The following SCEL variants were observed in gnomAD, a reference collection of about 807,000 sequenced individuals.
SCEL encodes sciellin.
SCEL carries 113 observed loss-of-function variants against 117.6 expected under a neutral mutation model. The observed-to-expected ratio is 0.96, with a 90% CI of 0.83 to 1.12. SCEL has a LOEUF of 1.12. Among genes scored for constraint, SCEL ranks in the 50% most tolerant of loss-of-function variants. SCEL has a pLI of 0.00. For missense variants in SCEL, 785 were observed against 810.8 expected (o/e 0.97, Z 0.39); for synonymous variants, 270 against 256.2 (o/e 1.05, Z -0.51).
chr13:77,575,051 A>G (rs1698913674), intron 9 of SCEL, among the ~76,000 whole-genome samples: 1 of 152,220 alleles, frequency 6.6e-6, no homozygotes, highest in Admixed American at 6.5e-5. Flanking sequence ...CCTGTCATCC[A>G]GGAATGAGTC....
At chr13:77,568,090 T>A (rs772554131) in intron 6 of SCEL, among the ~76,000 whole-genome samples, 3 of 152,168 alleles carry the variant, frequency 2.0e-5, no homozygotes, top group African/African-American at 4.8e-5. Context: ...ATACTAAATT[T>A]TCAGAAGAAA....
chr13:77,572,224 A>G (rs1313730005), intron 9 of SCEL, 35 bp downstream of exon 9: 7 of 1,480,068 alleles, frequency 4.7e-6, no homozygotes, highest in Non-Finnish European at 6.6e-6. Flanking sequence ...TTGCTGTGCC[A>G]TTAGATGGAA....
In SCEL at chr13:77,539,674, A is replaced by G. The variant is rs1036677569; in HGVS notation, c.-20+3850A>G. The stretch of plus-strand genomic sequence containing the variant: ...CTCAGCCTCCCGAATAGCTGGGACT[A>G]CAGGCGCCCACCACCACGCCCAGCT... On this transcript the variant is annotated intron_variant, in intron 1 of 32. Transcript: ENST00000349847. Among the ~76,000 whole-genome samples the G allele has an allele frequency of 2.6e-5, 4 of 151,970 alleles. No individual in the cohort carries two copies. In the South Asian group the frequency reaches 8.3e-4, roughly 32 times the overall value.
intron 9 of SCEL, among the ~76,000 whole-genome samples, chr13:77,579,720 G>C (rs1196784270): frequency 6.6e-6 from 1 of 152,100 alleles, no homozygotes; most frequent in African/African-American, 2.4e-5. Context: ...TGTGGAGAGG[G>C]AGGCAGTAGA....
At chr13:77,599,519 G>A in intron 14 of SCEL, 131 bp downstream of exon 14, 1 of 882,268 alleles carries the variant, frequency 1.1e-6, no homozygotes, top group East Asian at 2.6e-5. Context: ...AGTGCTCTCA[G>A]CATTGTACAT....
At chr13:77,623,899 T>C (rs1331798037) in intron 27 of SCEL, among the ~76,000 whole-genome samples, 6 of 152,182 alleles carry the variant, frequency 3.9e-5, no homozygotes, top group East Asian at 1.9e-4. Context: ...CTGTATTTAT[T>C]TGTTAGGGCT....
At chr13:77,613,005 T>C in intron 23 of SCEL, 64 bp downstream of exon 23, 2 of 925,560 alleles carry the variant, frequency 2.2e-6, no homozygotes, top group Non-Finnish European at 3.3e-6. Context: ...CAAAATAAGA[T>C]TAATTATTTA....
At chr13:77,543,358 C>CA (rs1436381766) in intron 1 of SCEL, among the ~76,000 whole-genome samples, 1 of 152,174 alleles carries the variant, frequency 6.6e-6, no homozygotes, top group Non-Finnish European at 1.5e-5. Flanking sequence ...GCTGGGACTA[C>CA]AGGCGTGAGC....
intron 10 of SCEL, 79 bp from the exon 11 acceptor site, chr13:77,591,316 A>T (rs2086853588): frequency 1.1e-6 from 1 of 884,806 alleles, no homozygotes; most frequent in East Asian, 2.7e-5. Context: ...TTGTACATAA[A>T]TTTTTTAAAA....
Position 77,572,148 on chromosome 13 carries a change from T to C in SCEL, c.504T>C (p.Pro168=). The C allele has an allele frequency of 6.2e-7, 1 of 1,612,722 alleles. No individual in the cohort carries two copies. Among genetic ancestry groups the C allele is most frequent in the Non-Finnish European group, 8.5e-7 (1 of 1,179,184 alleles). Residue 168 remains proline, a synonymous_variant, in exon 9 of 33, where the codon CCT becomes CCC. Transcript: ENST00000349847. ...KKRQSWFPPP[P]PGYNASSSTG... is the part of the protein sequence containing the mutation. ...GGCAGTCCTGGTTTCCACCGCCCCC[T>C]CCAGGTTACAATGCCTCCTCGAGCA...
chr13:77,606,521 TG>T (rs1295148938), intron 19 of SCEL: 1 of 152,208 alleles, frequency 6.6e-6, no homozygotes, highest in African/African-American at 2.4e-5. Context: ...AATAGCATCC[TG>T]GGAATTTTAT....
intron 16 of SCEL, 143 bp downstream of exon 16, chr13:77,602,267 A>ACCTAG: frequency 1.7e-6 from 1 of 604,396 alleles, no homozygotes; most frequent in Non-Finnish European, 2.8e-6. Context: ...GGCAAAAGGA[A>ACCTAG]TATGTTGAGT....
At chr13:77,563,199 CTT>C (rs1220992149) in intron 4 of SCEL, among the ~76,000 whole-genome samples, 3 of 151,818 alleles carry the variant, frequency 2.0e-5, no homozygotes, top group Non-Finnish European at 4.4e-5. Flanking sequence ...TCCTATCACT[CTT>C]CTCTCTTCCT....
At chr13:77,616,516 C>A (rs976491207) in intron 24 of SCEL, among the ~76,000 whole-genome samples, 2 of 151,808 alleles carry the variant, frequency 1.3e-5, no homozygotes, top group African/African-American at 2.4e-5. Flanking sequence ...TTATTATGTT[C>A]AATTGAAAAT....
intron 29 of SCEL, among the ~76,000 whole-genome samples, chr13:77,635,544 T>G (rs2090237339): frequency 6.6e-6 from 1 of 152,192 alleles, no homozygotes; most frequent in African/African-American, 2.4e-5. Context: ...AAGAAATTTC[T>G]TATGGGAACT....
Position 77,644,746 on chromosome 13 carries a change from A to G in SCEL, c.*472A>G, listed in dbSNP as rs2090713672. 1 of 153,158 alleles carries G rather than the reference A, an allele frequency of 6.5e-6. No homozygotes were observed. The highest frequency in any genetic ancestry group is 2.4e-5 in the African/African-American group (1 of 41,474). The allele number at this position is 153,158 out of a possible 1,614,324, so 9.5% of individuals were successfully genotyped here. On this transcript the variant is annotated 3_prime_UTR_variant, in exon 33 of 33. Transcript: ENST00000349847. ...AATTTTCTTATACAGTTTGGCAGAAAGATGTTAACATAAAAAGTTTATATA... is the reference window on the plus strand; with the variant it reads ...AATTTTCTTATACAGTTTGGCAGAAGGATGTTAACATAAAAAGTTTATATA...
At chr13:77,625,159 T>G (rs1167042110) in intron 27 of SCEL, among the ~76,000 whole-genome samples, 1 of 152,178 alleles carries the variant, frequency 6.6e-6, no homozygotes, top group Non-Finnish European at 1.5e-5. Flanking sequence ...CCATCCCAGT[T>G]TGACATTCCT....
intron 9 of SCEL, 133 bp downstream of exon 9, chr13:77,572,322 G>T: frequency 1.4e-6 from 1 of 690,206 alleles, no homozygotes; most frequent in African/African-American, 1.8e-5. Flanking sequence ...CTGTACAGGA[G>T]AGTGTCCAGT....
chr13:77,633,512 A>G (rs1173450214), intron 28 of SCEL, among the ~76,000 whole-genome samples: 1 of 151,334 alleles, frequency 6.6e-6, no homozygotes, highest in Non-Finnish European at 1.5e-5. Context: ...AATAATGTTA[A>G]TTGAGAAGAA....
Sources: allele counts gnomAD v4.1 joint callset (sites outside exome capture counted in the v4.1 genomes callset), GRCh38; gene constraint gnomAD v4.1.1; transcripts MANE v1.5; gene names NCBI Gene and HGNC (gene_info 2026-07-23, HGNC 2026-07-21).